Variants in IMMP2L observed in about 807,000 individuals in gnomAD.
The protein encoded by IMMP2L is mitochondrial inner membrane protease subunit 2.
In IMMP2L, 18 loss-of-function variants were observed where a neutral mutation model predicts 19.3. The observed-to-expected ratio is 0.93, with a 90% CI of 0.64 to 1.38. IMMP2L has a LOEUF of 1.38. Ranked by LOEUF, IMMP2L falls within the 40% of genes most tolerant of loss-of-function variation. IMMP2L has a pLI of 0.00. For synonymous variants in IMMP2L, 76 were observed against 73.0 expected (o/e 1.04, Z -0.21); for missense variants, 233 against 218.2 (o/e 1.07, Z -0.43).
chr7:111,208,837 T>C (rs981442148), intron 3 of IMMP2L, among the ~76,000 whole-genome samples: 1 of 152,182 alleles, frequency 6.6e-6, no homozygotes, highest in African/African-American at 2.4e-5. Flanking sequence ...ATTGCTAATA[T>C]GTTATCATTA....
chr7:110,990,222 C>T, intron 3 of IMMP2L, among the ~76,000 whole-genome samples: 1 of 152,062 alleles, frequency 6.6e-6, no homozygotes, highest in East Asian at 1.9e-4. Flanking sequence ...AATTTCCTCC[C>T]AATAGCATGA....
intron 5 of IMMP2L, among the ~76,000 whole-genome samples, chr7:110,731,628 C>A (rs1314446276): frequency 6.6e-6 from 1 of 151,950 alleles, no homozygotes; most frequent in Non-Finnish European, 1.5e-5. Flanking sequence ...CTTTTCTTCC[C>A]CCAAATATGT....
chr7:111,007,393 G>A (rs1824406013), intron 3 of IMMP2L, among the ~76,000 whole-genome samples: 1 of 152,034 alleles, frequency 6.6e-6, no homozygotes, highest in South Asian at 2.1e-4. Context: ...AGAATTGCTA[G>A]GGTCAGCACC....
intron 3 of IMMP2L, among the ~76,000 whole-genome samples, chr7:111,304,346 A>C (rs1242009739): frequency 6.6e-6 from 1 of 152,036 alleles, no homozygotes; most frequent in Non-Finnish European, 1.5e-5. Flanking sequence ...CTATCTCTCA[A>C]CAAAAAATAT....
chr7:111,313,774 C>T (rs1411204997), intron 3 of IMMP2L, among the ~76,000 whole-genome samples: 1 of 152,116 alleles, frequency 6.6e-6, no homozygotes, highest in Non-Finnish European at 1.5e-5. Flanking sequence ...CCAACTACAA[C>T]AGCCAAGAAG....
In IMMP2L at chr7:110,841,711, C is replaced by CT. The variant is rs567208913; in HGVS notation, c.408+44881dup. ...AAGACTTTTTTTTAAAGAACTGGGG[C>CT]TTAAGAGGAAAATCAATTTTCAGAT... is the stretch of plus-strand genomic sequence containing the variant. On this transcript the variant is annotated intron_variant, in intron 5 of 5. Coordinates refer to ENST00000405709, the MANE Select transcript of IMMP2L (RefSeq NM_032549.4). 1.2e-4 allele frequency among the ~76,000 whole-genome samples: 18 copies of CT among 151,914 alleles called. No homozygotes were observed. In the South Asian group the frequency reaches 3.7e-3, roughly 32 times the overall value.
At chr7:111,417,299 C>T (rs1487266465) in intron 3 of IMMP2L, among the ~76,000 whole-genome samples, 5 of 151,938 alleles carry the variant, frequency 3.3e-5, no homozygotes, top group Non-Finnish European at 5.9e-5. Flanking sequence ...TCTTCTTCTC[C>T]ACCAATCTCC....
chr7:110,730,719 G>A (rs1281537576), intron 5 of IMMP2L, among the ~76,000 whole-genome samples: 1 of 151,948 alleles, frequency 6.6e-6, no homozygotes, highest in Non-Finnish European at 1.5e-5. Context: ...TAGAGACGGG[G>A]TTTCACCGTT....
chr7:111,481,008 T>C (rs1402859121), intron 3 of IMMP2L, among the ~76,000 whole-genome samples: 1 of 152,168 alleles, frequency 6.6e-6, no homozygotes, highest in Non-Finnish European at 1.5e-5. Flanking sequence ...ATTTCATCTA[T>C]TTCCCTTGCT....
intron 3 of IMMP2L, among the ~76,000 whole-genome samples, chr7:111,212,694 G>A (rs1811460584): frequency 6.6e-6 from 1 of 152,122 alleles, no homozygotes; most frequent in South Asian, 2.1e-4. Flanking sequence ...ATACATAATG[G>A]ATGAATAAAA....
At chr7:110,978,725 GAA>G (rs1474861926) in intron 3 of IMMP2L, among the ~76,000 whole-genome samples, 1 of 151,840 alleles carries the variant, frequency 6.6e-6, no homozygotes, top group African/African-American at 2.4e-5. Flanking sequence ...ATCTGAGAAA[GAA>G]AAAAGTATTT....
intron 3 of IMMP2L, among the ~76,000 whole-genome samples, chr7:111,389,366 T>C (rs1832107838): frequency 6.6e-6 from 1 of 152,114 alleles, no homozygotes; most frequent in African/African-American, 2.4e-5. Flanking sequence ...GGACAGTTAG[T>C]GAATTATGAA....
intron 3 of IMMP2L, among the ~76,000 whole-genome samples, chr7:111,183,595 G>C (rs1445724496): frequency 6.6e-6 from 1 of 151,956 alleles, no homozygotes; most frequent in African/African-American, 2.4e-5. Context: ...AGCTTAACTG[G>C]GACAAGGAGA....
intron 5 of IMMP2L, among the ~76,000 whole-genome samples, chr7:110,879,748 A>T (rs530052840): frequency 6.6e-6 from 1 of 152,154 alleles, no homozygotes. Flanking sequence ...CTTACAAAAA[A>T]TAACAGTTTG....
chr7:111,357,293 A>C (rs1217052019), intron 3 of IMMP2L, among the ~76,000 whole-genome samples: 1 of 152,170 alleles, frequency 6.6e-6, no homozygotes, highest in Non-Finnish European at 1.5e-5. Flanking sequence ...ACTTTAGATG[A>C]TGCTTAAACA....
chr7:110,756,734 C>T (rs1798064163), intron 5 of IMMP2L, among the ~76,000 whole-genome samples: 1 of 152,084 alleles, frequency 6.6e-6, no homozygotes, highest in Non-Finnish European at 1.5e-5. Context: ...GTTTTGATTA[C>T]TGCCTTTATA....
chr7:111,494,568 C>G (rs1843419502), intron 2 of IMMP2L, among the ~76,000 whole-genome samples: 1 of 152,208 alleles, frequency 6.6e-6, no homozygotes, highest in African/African-American at 2.4e-5. Context: ...GCCCTAAACA[C>G]AGAAAACTAT....
intron 3 of IMMP2L, among the ~76,000 whole-genome samples, chr7:111,052,749 T>G (rs1793114489): frequency 1.3e-5 from 2 of 152,160 alleles, no homozygotes; most frequent in African/African-American, 4.8e-5. Flanking sequence ...GACTTTTTTT[T>G]GGTCACTAGT....
At chr7:110,994,022 A>G (rs1191566896) in intron 3 of IMMP2L, among the ~76,000 whole-genome samples, 1 of 152,054 alleles carries the variant, frequency 6.6e-6, no homozygotes, top group African/African-American at 2.4e-5. Flanking sequence ...TGGAAAAAAA[A>G]AAGGCTCTAT....
Sources: gnomAD v4.1 joint callset for allele counts (sites outside exome capture counted in the v4.1 genomes callset) on GRCh38, gnomAD v4.1.1 for gene constraint, MANE v1.5 for transcripts, NCBI Gene and HGNC (gene_info 2026-07-23, HGNC 2026-07-21) for gene names.